Variants in LONP2 observed in about 807,000 individuals in gnomAD.
The protein encoded by LONP2 is lon peptidase 2, peroxisomal, also known as lon protease homolog 2, peroxisomal.
Under a neutral mutation model 85.6 loss-of-function variants are expected in LONP2, and 60 were observed. The ratio of observed to expected loss-of-function variants is 0.70; its 90% CI spans 0.57 to 0.87. LONP2 has a LOEUF of 0.87. LONP2 is among the 40% of genes least tolerant of loss of function. LONP2 has a pLI of 0.00. For missense variants in LONP2, 860 were observed against 1,063.5 expected (o/e 0.81, Z 2.66); for synonymous variants, 395 against 389.7 (o/e 1.01, Z -0.16).
chr16:48,283,346 A>T (rs1972370469), intron 8 of LONP2, among the ~76,000 whole-genome samples: 1 of 152,212 alleles, frequency 6.6e-6, no homozygotes, highest in Admixed American at 6.5e-5. Context: ...CTTATTTTGT[A>T]TTGGAAGAAG....
intron 12 of LONP2, among the ~76,000 whole-genome samples, chr16:48,337,840 G>A (rs950132335): frequency 3.3e-5 from 5 of 152,094 alleles, no homozygotes; most frequent in Admixed American, 6.5e-5. Flanking sequence ...TTGAGATGAG[G>A]TCTCACTCTG....
intron 11 of LONP2, among the ~76,000 whole-genome samples, chr16:48,315,038 A>G (rs980342505): frequency 2.0e-5 from 3 of 152,246 alleles, no homozygotes; most frequent in African/African-American, 7.2e-5. Context: ...TGCTGAATAG[A>G]AATAATGATA....
Position 48,244,523 on chromosome 16 carries a change from C to T in LONP2, c.135C>T (p.Arg45=). ...SARNLQLVRS[R]LLKGTSLQST... Reference sequence around the variant, plus strand: ...GCAACCTGCAGCTGGTGCGGAGCCGCCTTCTGAAGGGCACGTCGCTGCAAA... The same window carrying T: ...GCAACCTGCAGCTGGTGCGGAGCCGTCTTCTGAAGGGCACGTCGCTGCAAA... The change falls in exon 1 of 15, where the codon CGC becomes CGT. Residue 45 remains arginine (R), a synonymous_variant. Coordinates refer to ENST00000285737, the MANE Select transcript of LONP2 (RefSeq NM_031490.5). 1 of 1,585,482 alleles carries T rather than the reference C, an allele frequency of 6.3e-7. No homozygotes were observed. Among genetic ancestry groups the T allele is most frequent in the Non-Finnish European group, 8.5e-7 (1 of 1,169,970 alleles).
chr16:48,296,722 C>CAA (rs911933648), intron 9 of LONP2, among the ~76,000 whole-genome samples: 28 of 58,896 alleles, frequency 4.8e-4, no homozygotes, highest in South Asian at 6.4e-4. Flanking sequence ...AACTCCATTT[C>CAA]AAAAAAAAAA....
chr16:48,268,128 A>C (rs1430833162), intron 6 of LONP2, among the ~76,000 whole-genome samples: 2 of 152,232 alleles, frequency 1.3e-5, no homozygotes, highest in Non-Finnish European at 2.9e-5. Flanking sequence ...ACATGTAATC[A>C]CATGTTATTC....
intron 12 of LONP2, 149 bp downstream of exon 12, chr16:48,334,507 G>A: frequency 1.1e-6 from 1 of 939,298 alleles, no homozygotes; most frequent in South Asian, 1.4e-5. Context: ...GGTTGTTGGT[G>A]TGGCCGCACT....
chr16:48,273,136 C>A (rs1210991229), intron 7 of LONP2, among the ~76,000 whole-genome samples: 1 of 152,124 alleles, frequency 6.6e-6, no homozygotes, highest in Non-Finnish European at 1.5e-5. Context: ...CACCACTGTT[C>A]CGCAGCCTTA....
chr16:48,269,246 A>C (rs1324855291), intron 6 of LONP2, among the ~76,000 whole-genome samples: 4 of 151,888 alleles, frequency 2.6e-5, no homozygotes. Context: ...ATAGAAGATA[A>C]GCTGAAAGAA....
downstream of LONP2, among the ~76,000 whole-genome samples, chr16:48,358,343 AAAACATACAGG>A (rs1960451691): frequency 3.9e-5 from 6 of 152,234 alleles, no homozygotes; most frequent in Admixed American, 3.9e-4. Flanking sequence ...ATATAAACAG[AAAACATACAGG>A]TATGTTCATG....
chr16:48,261,641 T>A, intron 5 of LONP2, 54 bp downstream of exon 5: 1 of 1,284,690 alleles, frequency 7.8e-7, no homozygotes, highest in Non-Finnish European at 1.1e-6. Flanking sequence ...GTACTCCTGA[T>A]TAACACCACT....
At chr16:48,295,241 G>A (rs1291547624) in intron 8 of LONP2, among the ~76,000 whole-genome samples, 19 of 152,140 alleles carry the variant, frequency 1.2e-4, no homozygotes, top group African/African-American at 3.1e-4. Flanking sequence ...GCATGGTGGC[G>A]CACACCTGTA....
intron 6 of LONP2, among the ~76,000 whole-genome samples, chr16:48,267,027 G>T (rs73551438): frequency 0.032 from 4,924 of 152,228 alleles, 265 homozygotes; most frequent in African/African-American, 0.11. Flanking sequence ...TTAAATTTAT[G>T]TAATGTTTGC....
chr16:48,269,680 A>G (rs191389132), intron 6 of LONP2, among the ~76,000 whole-genome samples: 323 of 152,278 alleles, frequency 2.1e-3, no homozygotes, highest in Admixed American at 5.2e-3. Context: ...TGAAATAAGG[A>G]AAAAAATCAC....
intron 8 of LONP2, among the ~76,000 whole-genome samples, chr16:48,282,033 A>C (rs1972338501): frequency 1.3e-5 from 2 of 152,232 alleles, no homozygotes; most frequent in South Asian, 4.1e-4. Context: ...TGGAGTTAAA[A>C]AATGCCTTAA....
intron 12 of LONP2, among the ~76,000 whole-genome samples, chr16:48,339,216 G>C (rs1959744742): frequency 6.6e-6 from 1 of 152,206 alleles, no homozygotes; most frequent in Admixed American, 6.5e-5. Context: ...CAAGCCTTCA[G>C]GGAAGAGGAA....
rs955508442 is a variant in LONP2, at chr16:48,354,800, A to C, written c.*2998A>C. 1 of 152,190 alleles carries C rather than the reference A, an allele frequency of 6.6e-6. No homozygotes were observed. Among genetic ancestry groups the C allele is most frequent in the African/African-American group, 2.4e-5 (1 of 41,444 alleles). 9.4% of individuals were successfully genotyped at this position (152,190 alleles called of 1,614,324 possible). ...TTTCTTCAAAATAATGGGGTGCAGA[A>C]GGGTAGGGATGAACCTCTTCCTCCT... is the stretch of plus-strand genomic sequence containing the variant. On this transcript the variant is annotated 3_prime_UTR_variant, in exon 15 of 15. Coordinates refer to ENST00000285737, the MANE Select transcript of LONP2 (RefSeq NM_031490.5).
At chr16:48,261,701 C>A in intron 5 of LONP2, 114 bp downstream of exon 5, 1 of 740,906 alleles carries the variant, frequency 1.3e-6, no homozygotes, top group Non-Finnish European at 2.0e-6. Flanking sequence ...AAATCTTCCA[C>A]CTGCAGTGTG....
intron 1 of LONP2, among the ~76,000 whole-genome samples, chr16:48,250,480 CA>C (rs57007300): frequency 5.1e-4 from 62 of 122,030 alleles, no homozygotes; most frequent in African/African-American, 9.7e-4. Context: ...GACTCCGTCT[CA>C]AAAAAAAAAA....
At chr16:48,361,432 C>T, downstream of LONP2, 1 of 703,486 alleles carries the variant, frequency 1.4e-6, no homozygotes, top group South Asian at 1.9e-5. Context: ...GCAACTGTTT[C>T]CTGTATTTAA....
Sources: gnomAD v4.1 joint callset for allele counts (sites outside exome capture counted in the v4.1 genomes callset) on GRCh38, gnomAD v4.1.1 for gene constraint, MANE v1.5 for transcripts, NCBI Gene and HGNC (gene_info 2026-07-23, HGNC 2026-07-21) for gene names.